The following RAPGEF5 variants were observed in gnomAD, a reference collection of about 807,000 sequenced individuals.
The protein encoded by RAPGEF5 is Rap guanine nucleotide exchange factor 5.
RAPGEF5 carries 65 observed loss-of-function variants against 125.2 expected under a neutral mutation model. That is an observed-to-expected ratio of 0.52 (90% CI 0.43 to 0.64). The LOEUF is 0.64. Among genes scored for constraint, RAPGEF5 ranks in the 30% least tolerant of loss-of-function variants. RAPGEF5 has a pLI of 0.00. For synonymous variants in RAPGEF5, 391 were observed against 385.9 expected (o/e 1.01, Z -0.16); for missense variants, 958 against 1,048.1 (o/e 0.91, Z 1.19).
chr7:22,132,389 T>C (rs913923478), intron 23 of RAPGEF5, among the ~76,000 whole-genome samples: 1 of 152,106 alleles, frequency 6.6e-6, no homozygotes, highest in African/African-American at 2.4e-5. Context: ...TTTTTTTTTT[T>C]TTGCTTGTAA....
At chr7:22,203,382 T>A (rs770940940) in intron 9 of RAPGEF5, among the ~76,000 whole-genome samples, 1 of 152,212 alleles carries the variant, frequency 6.6e-6, no homozygotes, top group Non-Finnish European at 1.5e-5. Flanking sequence ...CTCTGACTGT[T>A]ACATTTTTAA....
At chr7:22,340,412 C>T (rs73683356) in intron 1 of RAPGEF5, among the ~76,000 whole-genome samples, 12,455 of 152,220 alleles carry the variant, frequency 0.082, 545 homozygotes, top group Middle Eastern at 0.15. Flanking sequence ...GGAAGAAGGC[C>T]GATCAGAGAC....
chr7:22,228,786 T>A (rs1468353238), intron 8 of RAPGEF5, among the ~76,000 whole-genome samples: 1 of 151,942 alleles, frequency 6.6e-6, no homozygotes, highest in Non-Finnish European at 1.5e-5. Context: ...GTGCTGGGAT[T>A]ACGGGTGCGA....
intron 12 of RAPGEF5, among the ~76,000 whole-genome samples, chr7:22,166,097 C>CAT (rs930690915): frequency 3.5e-5 from 5 of 142,420 alleles, no homozygotes; most frequent in African/African-American, 1.0e-4. Flanking sequence ...ATATATATAT[C>CAT]ATATATATAT....
At chr7:22,146,798 T>A (rs1783453568) in intron 19 of RAPGEF5, 99 bp downstream of exon 19, 1 of 1,376,752 alleles carries the variant, frequency 7.3e-7, no homozygotes, top group African/African-American at 1.5e-5. Flanking sequence ...TGGACCACGT[T>A]ATTCTAGCAT....
rs761845566 is a variant in RAPGEF5 at position 22,122,261 on chromosome 7, C to T, written c.*145G>A. The stretch of plus-strand genomic sequence containing the variant: ...GGTGGCTGACATCACTTCCTGAACA[C>T]GCTTTGGCTGGCTTTCCTGTGAATG... On this transcript the variant is annotated 3_prime_UTR_variant, in exon 26 of 26. Transcript: ENST00000665637. 12 of 640,124 alleles carry T rather than the reference C, an allele frequency of 1.9e-5. No individual in the cohort carries two copies. In the East Asian group the frequency reaches 2.2e-4, roughly 12 times the overall value. The allele number at this position is 640,124 out of a possible 1,614,324, so 39.7% of individuals were successfully genotyped here.
intron 24 of RAPGEF5, among the ~76,000 whole-genome samples, chr7:22,129,517 C>T (rs1473485167): frequency 6.6e-6 from 1 of 152,198 alleles, no homozygotes; most frequent in Non-Finnish European, 1.5e-5. Context: ...TAATCCCAAA[C>T]GACAGGGATT....
chr7:22,321,564 T>C (rs1230065984), intron 1 of RAPGEF5, among the ~76,000 whole-genome samples: 1 of 152,196 alleles, frequency 6.6e-6, no homozygotes, highest in Non-Finnish European at 1.5e-5. Context: ...GGAAAAAGAC[T>C]GAATCACTTC....
chr7:22,335,715 ACAAC>A (rs748287432), intron 1 of RAPGEF5, among the ~76,000 whole-genome samples: 2,548 of 87,044 alleles, frequency 0.029, 51 homozygotes, highest in Admixed American at 0.042. Context: ...CAACAAAACA[ACAAC>A]AACAACAACA....
At chr7:22,276,472 G>C (rs1191912684) in intron 6 of RAPGEF5, among the ~76,000 whole-genome samples, 1 of 152,202 alleles carries the variant, frequency 6.6e-6, no homozygotes, top group Admixed American at 6.5e-5. Context: ...TGAAGTCCCA[G>C]ACATTCTAGG....
At chr7:22,282,311 C>T (rs1188652857) in intron 6 of RAPGEF5, among the ~76,000 whole-genome samples, 1 of 152,158 alleles carries the variant, frequency 6.6e-6, no homozygotes, top group East Asian at 1.9e-4. Flanking sequence ...GATAACCAGT[C>T]TGAATAAACT....
chr7:22,179,442 G>C (rs929241434), intron 11 of RAPGEF5, among the ~76,000 whole-genome samples: 1 of 152,114 alleles, frequency 6.6e-6, no homozygotes, highest in Non-Finnish European at 1.5e-5. Context: ...ACTTGTTGAG[G>C]AGGATATCAG....
rs1483165737 is a variant in RAPGEF5 at position 22,356,919 on chromosome 7, C to G, written c.142G>C (p.Ala48Pro). The G allele has an allele frequency of 4.6e-6, 5 of 1,091,158 alleles. No individual in the cohort carries two copies. In the East Asian group the frequency reaches 2.3e-4, roughly 49 times the overall value. The allele number at this position is 1,091,158 out of a possible 1,614,324, so 67.6% of individuals were successfully genotyped here. ...AREPEREQPP[A>P]SLRPRLRDLP... ...TCCCTCAGCCGCGGCCGCAGCGACG[C>G]CGGCGGCTGCTCGCGCTCGGGCTCC... The change falls in exon 1 of 26, where the codon GCG (alanine) becomes CCG (proline). Residue 48 changes from alanine (A) to proline (P), a missense_variant. Physicochemically the swap from Ala to Pro is conservative, Grantham distance 27. Transcript: ENST00000665637.
At position 22,125,773 on chromosome 7, in the gene RAPGEF5, A is replaced by C. The variant is rs6966510; in HGVS notation, c.2482-115T>G. On this transcript the variant is annotated intron_variant, in intron 24 of 25. Coordinates refer to ENST00000665637, the MANE Select transcript of RAPGEF5 (RefSeq NM_012294.5). ...AGCACTCTTGGCTGTAATAAAGAGA[A>C]GAACTGTATTTGGAGCTGGATGTAG... is the stretch of plus-strand genomic sequence containing the variant. The C allele has an allele frequency of 2.8e-3, 2,750 of 971,904 alleles. 9 individuals carry two copies. Among genetic ancestry groups the C allele is most frequent in the Middle Eastern group, 0.014 (64 of 4,704 alleles). 60.2% of individuals were successfully genotyped at this position (971,904 alleles called of 1,614,324 possible).
At chr7:22,205,890 C>A (rs1455338020) in intron 9 of RAPGEF5, among the ~76,000 whole-genome samples, 1 of 152,210 alleles carries the variant, frequency 6.6e-6, no homozygotes, top group Non-Finnish European at 1.5e-5. Context: ...GTATCAACAC[C>A]ATTTCACAGA....
chr7:22,153,367 C>T (rs543159357), intron 17 of RAPGEF5, among the ~76,000 whole-genome samples: 1 of 152,194 alleles, frequency 6.6e-6, no homozygotes, highest in South Asian at 2.1e-4. Context: ...AAAAATCGAA[C>T]CACTCTCTGA....
chr7:22,199,046 T>C (rs1785214737), intron 9 of RAPGEF5, among the ~76,000 whole-genome samples: 1 of 152,148 alleles, frequency 6.6e-6, no homozygotes, highest in Non-Finnish European at 1.5e-5. Flanking sequence ...TGCAGGGCAA[T>C]CTGTTGGTTG....
At chr7:22,194,854 AC>A in intron 9 of RAPGEF5, 1 of 798,866 alleles carries the variant, frequency 1.3e-6, no homozygotes, top group Non-Finnish European at 1.5e-6. Flanking sequence ...CTTGCTGCTG[AC>A]CCAGCAGGGT....
intron 7 of RAPGEF5, among the ~76,000 whole-genome samples, chr7:22,259,535 T>C (rs1782093664): frequency 6.6e-6 from 1 of 152,250 alleles, no homozygotes; most frequent in African/African-American, 2.4e-5. Flanking sequence ...AAATTTACAT[T>C]CACACAAAAA....
Sources: allele counts gnomAD v4.1 joint callset (sites outside exome capture counted in the v4.1 genomes callset), GRCh38; gene constraint gnomAD v4.1.1; transcripts MANE v1.5; gene names NCBI Gene and HGNC (gene_info 2026-07-23, HGNC 2026-07-21).